ARHGAP18: variants seen among roughly 807,000 people sequenced by gnomAD.
The protein encoded by ARHGAP18 is rho GTPase-activating protein 18.
In ARHGAP18, 67 loss-of-function variants were observed where a neutral mutation model predicts 86.2. The observed-to-expected ratio is 0.78, with a 90% CI of 0.64 to 0.95. The LOEUF is 0.95. Among genes scored for constraint, ARHGAP18 ranks in the 40% least tolerant of loss-of-function variants. The pLI is 0.00. For missense variants in ARHGAP18, 691 were observed against 780.4 expected (o/e 0.89, Z 1.37); for synonymous variants, 283 against 280.4 (o/e 1.01, Z -0.09).
rs767787696 is a variant in ARHGAP18 at position 129,710,158 on chromosome 6, T to A, written c.-22A>T. ...TCATGGTGAGAGAAGGGACATACTT[T>A]CTGCGATCCTGACACAGAGAAGGGG... On this transcript the variant is annotated 5_prime_UTR_variant, in exon 1 of 15. Coordinates refer to ENST00000368149, the MANE Select transcript of ARHGAP18 (RefSeq NM_033515.3). The A allele has an allele frequency of 3.2e-6, 5 of 1,575,586 alleles. No homozygotes were observed. In the South Asian group the frequency reaches 5.6e-5, roughly 18 times the overall value.
chr6:129,654,179 A>G (rs927993185), intron 1 of ARHGAP18, among the ~76,000 whole-genome samples: 1 of 152,242 alleles, frequency 6.6e-6, no homozygotes, highest in African/African-American at 2.4e-5. Context: ...AAGGTTTTAC[A>G]GGAAGGGATT....
chr6:129,703,357 G>A (rs1774750699), intron 1 of ARHGAP18, among the ~76,000 whole-genome samples: 1 of 152,166 alleles, frequency 6.6e-6, no homozygotes, highest in Admixed American at 6.5e-5. Context: ...AATAATAACA[G>A]AACTCAAAAT....
Position 129,580,120 on chromosome 6 carries a change from T to C in ARHGAP18, c.1850A>G (p.Gln617Arg). 7 of 1,613,788 alleles carry C rather than the reference T, an allele frequency of 4.3e-6. No individual in the cohort carries two copies. Among genetic ancestry groups the C allele is most frequent in the Non-Finnish European group, 5.9e-6 (7 of 1,179,778 alleles). The change falls in exon 14 of 15, where the codon CAG becomes CGG. Residue 617 changes from glutamine to arginine, a missense_variant. Physicochemically the swap from Gln to Arg is conservative, Grantham distance 43. Coordinates refer to ENST00000368149, the MANE Select transcript of ARHGAP18 (RefSeq NM_033515.3). ...RFLSQESGVAQTLKKGEVFLY... is the reference protein window; with the variant it reads ...RFLSQESGVARTLKKGEVFLY... ...AAAAACTTCTCCTTTCTTGAGAGTC[T>C]GGGCAACCCCACTATGAGGGACAAA...
At chr6:129,587,597 C>T (rs112951165) in intron 12 of ARHGAP18, among the ~76,000 whole-genome samples, 13,782 of 152,162 alleles carry the variant, frequency 0.091, 857 homozygotes, top group Middle Eastern at 0.17. Flanking sequence ...CACAGGACAG[C>T]AGGAGAGAGA....
At chr6:129,612,140 G>A (rs1331776417) in intron 7 of ARHGAP18, among the ~76,000 whole-genome samples, 1 of 152,172 alleles carries the variant, frequency 6.6e-6, no homozygotes, top group Non-Finnish European at 1.5e-5. Flanking sequence ...GATGCCCAAT[G>A]AATACGCTGA....
rs186480764 is a variant in ARHGAP18 at position 129,677,103 on chromosome 6, C to T, written c.113+32921G>A. Among the ~76,000 whole-genome samples the T allele has an allele frequency of 3.8e-4, 57 of 151,782 alleles. 1 individual carries two copies. Among genetic ancestry groups the T allele is most frequent in the Admixed American group, 2.2e-3 (34 of 15,250 alleles). On this transcript the variant is annotated intron_variant, in intron 1 of 14. Transcript: ENST00000368149. ...AAGGTCAAGTTTAAATAAAAAGTTG[C>T]TTATGTTGGCCGGGCGCGGTGGCTC...
intron 6 of ARHGAP18, among the ~76,000 whole-genome samples, chr6:129,616,896 C>T (rs914739015): frequency 2.0e-5 from 3 of 152,300 alleles, no homozygotes; most frequent in South Asian, 2.1e-4. Flanking sequence ...GTTGAGGCTA[C>T]GGTGAGCCGT....
At chr6:129,636,286 G>C (rs1773332935) in intron 3 of ARHGAP18, among the ~76,000 whole-genome samples, 1 of 152,206 alleles carries the variant, frequency 6.6e-6, no homozygotes, top group South Asian at 2.1e-4. Context: ...CATGCAAAGA[G>C]AGTAGCAATC....
intron 1 of ARHGAP18, among the ~76,000 whole-genome samples, chr6:129,707,682 G>A (rs1774824776): frequency 6.8e-6 from 1 of 146,436 alleles, no homozygotes; most frequent in Non-Finnish European, 1.5e-5. Context: ...TTTTGGTAGA[G>A]CTGTGGGGGC....
chr6:129,668,335 C>T (rs750509047), intron 1 of ARHGAP18, among the ~76,000 whole-genome samples: 2 of 148,942 alleles, frequency 1.3e-5, no homozygotes, highest in Non-Finnish European at 3.0e-5. Context: ...AACCCCTAGT[C>T]CCCAAACCAT....
chr6:129,610,417 A>C (rs952572199), intron 8 of ARHGAP18, among the ~76,000 whole-genome samples: 3 of 152,220 alleles, frequency 2.0e-5, no homozygotes, highest in African/African-American at 7.2e-5. Context: ...CAGAGAGAAG[A>C]AAAGGCAAGG....
chr6:129,683,807 T>C (rs1774371708), intron 1 of ARHGAP18, among the ~76,000 whole-genome samples: 1 of 152,124 alleles, frequency 6.6e-6, no homozygotes, highest in Non-Finnish European at 1.5e-5. Context: ...GAGAACACCA[T>C]CAAGAATCAT....
chr6:129,705,847 C>T (rs895694561), intron 1 of ARHGAP18, among the ~76,000 whole-genome samples: 1 of 152,136 alleles, frequency 6.6e-6, no homozygotes, highest in Non-Finnish European at 1.5e-5. Flanking sequence ...GAGATAACTC[C>T]TCCAAGGTCA....
chr6:129,702,956 C>T (rs1375796996), intron 1 of ARHGAP18, among the ~76,000 whole-genome samples: 3 of 151,924 alleles, frequency 2.0e-5, no homozygotes, highest in African/African-American at 4.8e-5. Flanking sequence ...GCCGAGATTG[C>T]GCCATGCACT....
rs573447247 is a variant in ARHGAP18, at chr6:129,639,103, A to T, written c.317-474T>A. On this transcript the variant is annotated intron_variant, in intron 2 of 14. Coordinates refer to ENST00000368149, the MANE Select transcript of ARHGAP18 (RefSeq NM_033515.3). The stretch of plus-strand genomic sequence containing the variant: ...TGACAGGAAGTGCAGCAAAGAAGTT[A>T]ACAGCATCAGAACATTGGGAACTAA... Among the ~76,000 whole-genome samples the T allele has an allele frequency of 1.1e-4, 16 of 152,348 alleles. No homozygotes were observed. The East Asian group carries it at 2.9e-3, about 28-fold the overall frequency.
intron 5 of ARHGAP18, among the ~76,000 whole-genome samples, chr6:129,625,879 TTTATATATTATATA>T (rs1270123008): frequency 1.4e-5 from 1 of 70,362 alleles, no homozygotes; most frequent in African/African-American, 6.6e-5. Flanking sequence ...ATATTATATA[TTTATATATTATATA>T]TTATATATTT....
chr6:129,609,194 A>G (rs1788925996), intron 8 of ARHGAP18, among the ~76,000 whole-genome samples: 1 of 152,054 alleles, frequency 6.6e-6, no homozygotes, highest in Admixed American at 6.5e-5. Context: ...AGGGAGAGGG[A>G]GAGAGAATAG....
intron 4 of ARHGAP18, among the ~76,000 whole-genome samples, chr6:129,632,813 A>C (rs1289223411): frequency 2.0e-5 from 3 of 152,192 alleles, no homozygotes; most frequent in Non-Finnish European, 4.4e-5. Flanking sequence ...AAAGTATGGA[A>C]GGAAAAGATC....
intron 1 of ARHGAP18, 77 bp downstream of exon 1, chr6:129,709,947 C>T (rs1774877317): frequency 8.2e-7 from 1 of 1,213,102 alleles, no homozygotes; most frequent in Non-Finnish European, 1.2e-6. Flanking sequence ...CCCTTCTCCC[C>T]ACGCCAACTT....
Sources: allele counts gnomAD v4.1 joint callset (sites outside exome capture counted in the v4.1 genomes callset), GRCh38; gene constraint gnomAD v4.1.1; transcripts MANE v1.5; gene names NCBI Gene and HGNC (gene_info 2026-07-23, HGNC 2026-07-21).